COX7B2: variants seen among roughly 807,000 people sequenced by gnomAD.
COX7B2 encodes the protein cytochrome c oxidase subunit 7B2, mitochondrial.
For synonymous variants in COX7B2, 37 were observed against 32.1 expected (o/e 1.15, Z -0.51); for missense variants, 109 against 95.9 (o/e 1.14, Z -0.57).
At chr4:46,845,360 G>A (rs1304883622) in intron 1 of COX7B2, among the ~76,000 whole-genome samples, 1 of 151,768 alleles carries the variant, frequency 6.6e-6, no homozygotes, top group African/African-American at 2.4e-5. Context: ...GGAAGGTTCT[G>A]GCCAAGGTTT....
intron 2 of COX7B2, among the ~76,000 whole-genome samples, chr4:46,774,751 G>C (rs1030335160): frequency 6.6e-6 from 1 of 151,726 alleles, no homozygotes; most frequent in Non-Finnish European, 1.5e-5. Context: ...TATCACTGAT[G>C]GGTCAATATG....
intron 2 of COX7B2, among the ~76,000 whole-genome samples, chr4:46,759,762 T>C (rs570315777): frequency 6.6e-6 from 1 of 151,286 alleles, no homozygotes; most frequent in South Asian, 2.1e-4. Flanking sequence ...AAAAGTGTTA[T>C]ATAAGTTATA....
At chr4:46,840,132 C>T (rs981651310) in intron 2 of COX7B2, among the ~76,000 whole-genome samples, 2 of 151,594 alleles carry the variant, frequency 1.3e-5, no homozygotes, top group Admixed American at 1.3e-4. Context: ...TCTGGCCTTT[C>T]CCTCAAGGTT....
intron 1 of COX7B2, among the ~76,000 whole-genome samples, chr4:46,871,233 G>A (rs1215701770): frequency 6.6e-6 from 1 of 152,122 alleles, no homozygotes; most frequent in Admixed American, 6.5e-5. Context: ...ACAAAAACAA[G>A]CAACAGGGAA....
chr4:46,892,771 T>C (rs1719505651), intron 1 of COX7B2, among the ~76,000 whole-genome samples: 1 of 152,182 alleles, frequency 6.6e-6, no homozygotes, highest in South Asian at 2.1e-4. Flanking sequence ...ATTATTTTCA[T>C]GGACCGATAC....
intron 2 of COX7B2, among the ~76,000 whole-genome samples, chr4:46,773,280 AATCATGG>A (rs1313719590): frequency 6.6e-6 from 1 of 152,090 alleles, no homozygotes; most frequent in Non-Finnish European, 1.5e-5. Context: ...GAGGTAACTG[AATCATGG>A]GGGCAGTTAC....
intron 2 of COX7B2, among the ~76,000 whole-genome samples, chr4:46,777,086 T>C (rs1422222642): frequency 6.6e-6 from 1 of 152,108 alleles, no homozygotes; most frequent in Non-Finnish European, 1.5e-5. Context: ...GTAATATATA[T>C]GTGTGTTAGT....
intron 1 of COX7B2, among the ~76,000 whole-genome samples, chr4:46,902,540 C>T (rs1315487429): frequency 6.6e-6 from 1 of 152,204 alleles, no homozygotes; most frequent in African/African-American, 2.4e-5. Context: ...TCTTCCATTT[C>T]ATGAGTCACC....
chr4:46,791,930 G>A (rs1019510257), intron 2 of COX7B2, among the ~76,000 whole-genome samples: 2 of 152,074 alleles, frequency 1.3e-5, no homozygotes, highest in South Asian at 2.1e-4. Context: ...TTTTATTTTT[G>A]ATTCTGGGGT....
At chr4:46,864,834 C>T (rs1408946950) in intron 1 of COX7B2, among the ~76,000 whole-genome samples, 3 of 151,992 alleles carry the variant, frequency 2.0e-5, no homozygotes, top group Non-Finnish European at 2.9e-5. Context: ...TTAATAGAGA[C>T]GGTTTTTCAC....
chr4:46,821,003 AT>A (rs1206363263), intron 2 of COX7B2, among the ~76,000 whole-genome samples: 4 of 152,026 alleles, frequency 2.6e-5, no homozygotes, highest in African/African-American at 9.7e-5. Flanking sequence ...AATTTTAACA[AT>A]TTTTTTAAAT....
intron 2 of COX7B2, among the ~76,000 whole-genome samples, chr4:46,754,941 A>G (rs1715686279): frequency 6.6e-6 from 1 of 151,278 alleles, no homozygotes; most frequent in East Asian, 2.0e-4. Flanking sequence ...AACTCATTCT[A>G]TGAGGCCAGT....
At chr4:46,831,777 T>C (rs947689766) in intron 2 of COX7B2, among the ~76,000 whole-genome samples, 9 of 152,144 alleles carry the variant, frequency 5.9e-5, no homozygotes, top group Non-Finnish European at 1.5e-5. Flanking sequence ...ATCAGCACTC[T>C]GTGTCTAGCT....
At chr4:46,831,060 C>G (rs1715051502) in intron 2 of COX7B2, among the ~76,000 whole-genome samples, 1 of 152,100 alleles carries the variant, frequency 6.6e-6, no homozygotes, top group South Asian at 2.1e-4. Flanking sequence ...TGGGCGGGAA[C>G]CCGGGCTGCA....
At chr4:46,792,053 C>T (rs756709732) in intron 2 of COX7B2, among the ~76,000 whole-genome samples, 1 of 152,174 alleles carries the variant, frequency 6.6e-6, no homozygotes, top group Non-Finnish European at 1.5e-5. Flanking sequence ...AGCTGATTAA[C>T]TCCCAGAAGT....
chr4:46,881,011 A>AAAAAAAAAAAAT (rs1197072002), intron 1 of COX7B2, among the ~76,000 whole-genome samples: 2 of 148,854 alleles, frequency 1.3e-5, no homozygotes, highest in African/African-American at 2.5e-5. Context: ...AAAAAAAAAA[A>AAAAAAAAAAAAT]CTCTTGGATT....
At chr4:46,779,331 T>C (rs1717318476) in intron 2 of COX7B2, among the ~76,000 whole-genome samples, 1 of 152,216 alleles carries the variant, frequency 6.6e-6, no homozygotes, top group Non-Finnish European at 1.5e-5. Flanking sequence ...GGTTCATTCA[T>C]ATTGTCACAA....
At chr4:46,884,658 C>T (rs1188611235) in intron 1 of COX7B2, among the ~76,000 whole-genome samples, 1 of 152,164 alleles carries the variant, frequency 6.6e-6, no homozygotes, top group African/African-American at 2.4e-5. Flanking sequence ...ATTCACATTG[C>T]CCATTCATCC....
chr4:46,905,148 A>G (rs914874373), intron 1 of COX7B2, among the ~76,000 whole-genome samples: 3 of 143,692 alleles, frequency 2.1e-5, no homozygotes, highest in Admixed American at 6.9e-5. Context: ...TAAGTATTAT[A>G]CAAGTTTTTT....
Sources: gnomAD v4.1 joint callset for allele counts (sites outside exome capture counted in the v4.1 genomes callset) on GRCh38, gnomAD v4.1.1 for gene constraint, MANE v1.5 for transcripts, NCBI Gene and HGNC (gene_info 2026-07-23, HGNC 2026-07-21) for gene names.